The following CFAP300 variants were observed in gnomAD, a reference collection of about 807,000 sequenced individuals.
CFAP300 encodes the protein cilia- and flagella-associated protein 300.
CFAP300 carries 32 observed loss-of-function variants against 33.0 expected under a neutral mutation model. The observed-to-expected ratio is 0.97, with a 90% CI of 0.73 to 1.30. The LOEUF (loss-of-function observed/expected upper bound fraction) is 1.30. Ranked by LOEUF, CFAP300 falls within the 50% of genes most tolerant of loss-of-function variation. The pLI is 0.00. For synonymous variants in CFAP300, 102 were observed against 106.8 expected (o/e 0.95, Z 0.28); for missense variants, 356 against 318.1 (o/e 1.12, Z -0.90).
chr11:102,068,808 C>G (rs1315629040), intron 4 of CFAP300, among the ~76,000 whole-genome samples: 1 of 152,042 alleles, frequency 6.6e-6, no homozygotes, highest in Admixed American at 6.6e-5. Flanking sequence ...TTAAACAAAA[C>G]AAAACAAAAA....
At chr11:102,067,593 T>C (rs1026908884) in intron 4 of CFAP300, among the ~76,000 whole-genome samples, 5 of 152,244 alleles carry the variant, frequency 3.3e-5, no homozygotes, top group African/African-American at 1.2e-4. Context: ...ATCTTATCTA[T>C]ACAACATGAA....
intron 6 of CFAP300, among the ~76,000 whole-genome samples, chr11:102,081,666 G>A (rs1327445704): frequency 6.6e-6 from 1 of 152,056 alleles, no homozygotes; most frequent in Non-Finnish European, 1.5e-5. Flanking sequence ...GCCGAGGCAG[G>A]CAGATCACGA....
chr11:102,082,430 T>C (rs778481157), intron 6 of CFAP300, among the ~76,000 whole-genome samples: 1 of 151,876 alleles, frequency 6.6e-6, no homozygotes, highest in Non-Finnish European at 1.5e-5. Flanking sequence ...AATTGCTAAA[T>C]ATAAAATTGT....
rs145390146 is a variant in CFAP300, at chr11:102,078,768, G to T, written c.609-2447G>T. 2.4e-3 allele frequency among the ~76,000 whole-genome samples: 361 copies of T among 152,228 alleles called. 16 individuals are homozygous for T. In the East Asian group the frequency reaches 0.063, roughly 26 times the overall value. ...CTATCGCCCAGGCTGGAATGCAGTGGTGCAATCTCGGCTCACTGCAACCTC... is the reference window on the plus strand; with the variant it reads ...CTATCGCCCAGGCTGGAATGCAGTGTTGCAATCTCGGCTCACTGCAACCTC... On this transcript the variant is annotated intron_variant, in intron 5 of 6. Transcript: ENST00000434758.
chr11:102,074,316 G>T (rs111886383), intron 4 of CFAP300, among the ~76,000 whole-genome samples: 22 of 152,282 alleles, frequency 1.4e-4, no homozygotes, highest in African/African-American at 5.3e-4. Context: ...GCCCATGAGG[G>T]TTGAGGAGCT....
intron 4 of CFAP300, among the ~76,000 whole-genome samples, chr11:102,067,547 G>A (rs1271066714): frequency 6.6e-6 from 1 of 152,132 alleles, no homozygotes; most frequent in African/African-American, 2.4e-5. Context: ...GAAGATAATA[G>A]TCTTAGGCAA....
intron 2 of CFAP300, 115 bp from the exon 3 acceptor site, chr11:102,058,764 CA>C: frequency 1.6e-6 from 1 of 633,112 alleles, no homozygotes; most frequent in East Asian, 3.0e-5. Flanking sequence ...GACATTTTAC[CA>C]ATTTAAAATT....
At chr11:102,049,727 T>C (rs1410477124) in intron 2 of CFAP300, among the ~76,000 whole-genome samples, 1 of 152,166 alleles carries the variant, frequency 6.6e-6, no homozygotes, top group African/African-American at 2.4e-5. Flanking sequence ...AATTTTAGTA[T>C]AATTCATTTA....
chr11:102,051,895 A>C (rs1481036333), intron 2 of CFAP300, among the ~76,000 whole-genome samples: 1 of 152,268 alleles, frequency 6.6e-6, no homozygotes, highest in South Asian at 2.1e-4. Flanking sequence ...TTTCACATGC[A>C]TTTTGACATC....
At chr11:102,049,862 A>G (rs1941942703) in intron 2 of CFAP300, among the ~76,000 whole-genome samples, 2 of 151,886 alleles carry the variant, frequency 1.3e-5, no homozygotes, top group Admixed American at 1.3e-4. Context: ...AAAAAAAAAA[A>G]GTCTGAGGCA....
intron 5 of CFAP300, among the ~76,000 whole-genome samples, chr11:102,078,747 C>T (rs954343755): frequency 5.9e-5 from 9 of 152,000 alleles, no homozygotes; most frequent in African/African-American, 1.4e-4. Flanking sequence ...CTCACTCTAT[C>T]GCCCAGGCTG....
intron 4 of CFAP300, among the ~76,000 whole-genome samples, chr11:102,067,112 G>C (rs1196306569): frequency 6.6e-6 from 1 of 152,208 alleles, no homozygotes; most frequent in Non-Finnish European, 1.5e-5. Flanking sequence ...GGCTGAGGCA[G>C]GTGGGTGGTT....
chr11:102,081,582 A>G (rs190532460), intron 6 of CFAP300: 1 of 440,912 alleles, frequency 2.3e-6, no homozygotes, highest in Non-Finnish European at 4.0e-6. Context: ...ACCATCATTT[A>G]TAGGGCAGAT....
intron 5 of CFAP300, among the ~76,000 whole-genome samples, 187 bp from the exon 6 acceptor site, chr11:102,081,028 A>G (rs906187046): frequency 6.6e-6 from 1 of 152,176 alleles, no homozygotes; most frequent in Non-Finnish European, 1.5e-5. Flanking sequence ...TGCTATTTCA[A>G]TTCAGTTGAC....
intron 4 of CFAP300, among the ~76,000 whole-genome samples, chr11:102,071,362 C>T (rs796489670): frequency 3.3e-5 from 5 of 152,232 alleles, no homozygotes; most frequent in African/African-American, 1.2e-4. Context: ...TTAGTTGGAT[C>T]ATGTGTTGTT....
chr11:102,082,855 G>T (rs1355727947), intron 6 of CFAP300, among the ~76,000 whole-genome samples: 2 of 151,958 alleles, frequency 1.3e-5, no homozygotes, highest in African/African-American at 2.4e-5. Flanking sequence ...AAATTAGCTG[G>T]GCATGGTGGC....
intron 2 of CFAP300, among the ~76,000 whole-genome samples, chr11:102,056,814 C>T (rs1415919838): frequency 3.3e-5 from 5 of 151,718 alleles, no homozygotes; most frequent in East Asian, 2.0e-4. Context: ...TCAGTACAGA[C>T]GGGGTTCGCC....
rs1043456905 is a variant in CFAP300, at chr11:102,083,330, A to G, written c.*131A>G. The G allele has an allele frequency of 2.1e-5, 14 of 656,176 alleles. No homozygotes were observed. Among genetic ancestry groups the G allele is most frequent in the Middle Eastern group, 1.1e-3 (2 of 1,888 alleles). The allele number at this position is 656,176 out of a possible 1,614,324, so 40.6% of individuals were successfully genotyped here. ...GTAAGGAGCCTACTTAGAGCAGAAG[A>G]AAGCAAACACCAAGATGCCTTTTTA... On this transcript the variant is annotated 3_prime_UTR_variant, in exon 7 of 7. Transcript: ENST00000434758.
At chr11:102,067,077 C>T (rs1044676648) in intron 4 of CFAP300, among the ~76,000 whole-genome samples, 4 of 152,166 alleles carry the variant, frequency 2.6e-5, no homozygotes, top group African/African-American at 9.7e-5. Context: ...CAGTAGCTCT[C>T]GCTTGTAATT....
Sources: allele counts gnomAD v4.1 joint callset (sites outside exome capture counted in the v4.1 genomes callset), GRCh38; gene constraint gnomAD v4.1.1; transcripts MANE v1.5; gene names NCBI Gene and HGNC (gene_info 2026-07-23, HGNC 2026-07-21).